The following PRR5L variants were observed in gnomAD, a reference collection of about 807,000 sequenced individuals.
PRR5L encodes proline-rich protein 5-like.
In PRR5L, 21 loss-of-function variants were observed where a neutral mutation model predicts 36.4. The observed-to-expected ratio is 0.58, with a 90% CI of 0.41 to 0.83. PRR5L has a LOEUF of 0.83. Among genes scored for constraint, PRR5L ranks in the 40% least tolerant of loss-of-function variants. The pLI, the probability that PRR5L is intolerant of heterozygous loss-of-function variation, is 0.00. For synonymous variants in PRR5L, 188 were observed against 197.0 expected (o/e 0.95, Z 0.38); for missense variants, 381 against 473.3 (o/e 0.80, Z 1.81).
intron 1 of PRR5L, among the ~76,000 whole-genome samples, chr11:36,347,143 G>T (rs373981821): frequency 2.6e-5 from 4 of 152,204 alleles, no homozygotes; most frequent in African/African-American, 9.6e-5. Context: ...GAGAAAAAGG[G>T]TGGGATTGGC....
At chr11:36,439,519 C>T (rs331477) in intron 6 of PRR5L, among the ~76,000 whole-genome samples, 111,988 of 152,010 alleles carry the variant, frequency 0.74, 41,932 homozygotes, top group East Asian at 0.89. Context: ...TTTGCCATGG[C>T]CCCCACCTTG....
intron 1 of PRR5L, among the ~76,000 whole-genome samples, chr11:36,349,538 GGGA>G (rs1856905951): frequency 6.6e-6 from 1 of 152,072 alleles, no homozygotes; most frequent in South Asian, 2.1e-4. Flanking sequence ...GATTGTTCAT[GGGA>G]AGGAAGGCGA....
chr11:36,370,652 C>T lies in PRR5L; in HGVS notation c.-125-30345C>T, dbSNP rs112177133. ...ATCCCAGCACTTTGGGAGGCCAACG[C>T]GGGCAAATCACAAGGTCAGGAGTTT... On this transcript the variant is annotated intron_variant, in intron 1 of 8. Coordinates refer to ENST00000530639, the MANE Select transcript of PRR5L (RefSeq NM_001160167.2). Among the ~76,000 whole-genome samples the T allele has an allele frequency of 6.4e-3, 974 of 152,254 alleles. 5 individuals are homozygous for T. The highest frequency in any genetic ancestry group is 0.01 in the Non-Finnish European group (691 of 68,008).
chr11:36,319,951 G>A (rs1856596834), intron 1 of PRR5L, among the ~76,000 whole-genome samples: 2 of 152,148 alleles, frequency 1.3e-5, no homozygotes, highest in South Asian at 4.1e-4. Flanking sequence ...GGAGGAAAGA[G>A]GTTGTTTCTG....
intron 6 of PRR5L, among the ~76,000 whole-genome samples, chr11:36,445,873 C>T (rs1184378409): frequency 6.6e-6 from 1 of 152,184 alleles, no homozygotes; most frequent in Non-Finnish European, 1.5e-5. Context: ...ATTTATACAA[C>T]AATCTAAGAG....
At chr11:36,415,737 C>A (rs1017673133) in intron 3 of PRR5L, among the ~76,000 whole-genome samples, 1 of 152,012 alleles carries the variant, frequency 6.6e-6, no homozygotes. Flanking sequence ...GAGTGCAACT[C>A]TGTCTCAATA....
At chr11:36,400,919 TGG>T (rs1857778611) in intron 1 of PRR5L, 76 bp from the exon 2 acceptor site, 3 of 1,208,604 alleles carry the variant, frequency 2.5e-6, no homozygotes, top group Non-Finnish European at 3.2e-6. Flanking sequence ...GTAGTTAGGC[TGG>T]AAAGTCCCAG....
intron 3 of PRR5L, among the ~76,000 whole-genome samples, chr11:36,417,293 G>A (rs535924202): frequency 1.3e-5 from 2 of 152,172 alleles, no homozygotes; most frequent in Non-Finnish European, 2.9e-5. Flanking sequence ...CGAAGACTTT[G>A]TTAGGAGGTG....
At chr11:36,426,551 A>C (rs1016592339) in intron 4 of PRR5L, among the ~76,000 whole-genome samples, 1 of 152,218 alleles carries the variant, frequency 6.6e-6, no homozygotes, top group African/African-American at 2.4e-5. Flanking sequence ...TGCTAAGTAA[A>C]CCAGAAGAAT....
At position 36,315,987 on chromosome 11, in the gene PRR5L, A is replaced by T. The variant is rs533908450; in HGVS notation, c.-126+19549A>T. On this transcript the variant is annotated intron_variant, in intron 1 of 8. Transcript: ENST00000530639. ...AGCCTCCAGATGTCTGTTCATGGAG[A>T]TGGAGCCTGGGTGACCAGGAGGCTT... 2.6e-5 allele frequency among the ~76,000 whole-genome samples: 4 copies of T among 152,300 alleles called. No homozygotes were observed. The South Asian group carries it at 8.3e-4, about 32-fold the overall frequency.
intron 1 of PRR5L, among the ~76,000 whole-genome samples, chr11:36,386,324 A>G (rs1218442068): frequency 6.6e-6 from 1 of 152,226 alleles, no homozygotes; most frequent in Non-Finnish European, 1.5e-5. Flanking sequence ...TACGTTAAAA[A>G]TAAATAAAAT....
chr11:36,442,937 C>T (rs1052710661), intron 6 of PRR5L, among the ~76,000 whole-genome samples: 2 of 152,178 alleles, frequency 1.3e-5, no homozygotes, highest in African/African-American at 4.8e-5. Context: ...ACTCTTCCAA[C>T]CTCTGCTCAT....
chr11:36,319,881 G>T (rs1012650951), intron 1 of PRR5L, among the ~76,000 whole-genome samples: 2 of 152,074 alleles, frequency 1.3e-5, no homozygotes, highest in African/African-American at 4.8e-5. Context: ...TTCAATTGTT[G>T]TGACTGAAGT....
At chr11:36,421,649 A>G (rs1312658093) in intron 4 of PRR5L, among the ~76,000 whole-genome samples, 3 of 152,146 alleles carry the variant, frequency 2.0e-5, no homozygotes, top group Admixed American at 1.3e-4. Context: ...AACAAAGTAG[A>G]TACTCAGTAA....
At chr11:36,450,864 G>A (rs1156317895) in intron 7 of PRR5L, among the ~76,000 whole-genome samples, 2 of 152,330 alleles carry the variant, frequency 1.3e-5, no homozygotes, top group East Asian at 3.9e-4. Flanking sequence ...TATGTTAAAT[G>A]TCTCTGTGCT....
At chr11:36,388,940 C>T (rs566009408) in intron 1 of PRR5L, among the ~76,000 whole-genome samples, 1 of 152,004 alleles carries the variant, frequency 6.6e-6, no homozygotes, top group South Asian at 2.1e-4. Flanking sequence ...ACCTCGTGAT[C>T]TGCCTGCCTC....
chr11:36,367,740 TTCTCTCTCTCTCTCTC>T (rs55635913), intron 1 of PRR5L, among the ~76,000 whole-genome samples: 1 of 150,356 alleles, frequency 6.7e-6, no homozygotes, highest in Non-Finnish European at 1.5e-5. Context: ...ACCAGAGAAC[TTCTCTCTCTCTCTCTC>T]TCTCTCTCTC....
intron 3 of PRR5L, among the ~76,000 whole-genome samples, chr11:36,407,586 C>T (rs1186764204): frequency 6.6e-6 from 1 of 152,170 alleles, no homozygotes; most frequent in African/African-American, 2.4e-5. Flanking sequence ...TTTCAGTTCT[C>T]CATTCTACTG....
chr11:36,388,958 C>T (rs1590520319), intron 1 of PRR5L, among the ~76,000 whole-genome samples: 1 of 152,158 alleles, frequency 6.6e-6, no homozygotes, highest in South Asian at 2.1e-4. Flanking sequence ...CTCGGCCTCC[C>T]AAAGTGCTGG....
Sources: gnomAD v4.1 joint callset for allele counts (sites outside exome capture counted in the v4.1 genomes callset) on GRCh38, gnomAD v4.1.1 for gene constraint, MANE v1.5 for transcripts, NCBI Gene and HGNC (gene_info 2026-07-23, HGNC 2026-07-21) for gene names.